RIMS2: variants seen among roughly 807,000 people sequenced by gnomAD.
The protein encoded by RIMS2 is regulating synaptic membrane exocytosis 2.
In RIMS2, 59 loss-of-function variants were observed where a neutral mutation model predicts 174.4. That is an observed-to-expected ratio of 0.34 (90% CI 0.27 to 0.42). The LOEUF is 0.42. Among genes scored for constraint, RIMS2 ranks in the 10% least tolerant of loss-of-function variants. The pLI is 1.00. For synonymous variants in RIMS2, 606 were observed against 572.5 expected (o/e 1.06, Z -0.84); for missense variants, 1,620 against 1,666.3 (o/e 0.97, Z 0.48).
chr8:104,119,997 G>GT (rs2098346209), intron 19 of RIMS2, among the ~76,000 whole-genome samples: 1 of 152,162 alleles, frequency 6.6e-6, no homozygotes, highest in South Asian at 2.1e-4. Context: ...TGTCCAATAA[G>GT]TTTTTTAGCA....
chr8:103,916,604 A>G (rs934114795), intron 8 of RIMS2, 67 bp downstream of exon 11: 63 of 1,232,786 alleles, frequency 5.1e-5, no homozygotes, highest in Non-Finnish European at 6.8e-5. Flanking sequence ...GTAATGTGCC[A>G]TTTAATAATT....
intron 1 of RIMS2, among the ~76,000 whole-genome samples, chr8:103,658,705 TAGCATGACTTACCACACTCTTTTCATGA>T (rs371391746): frequency 3.3e-4 from 51 of 152,304 alleles, no homozygotes; most frequent in African/African-American, 1.2e-3. Flanking sequence ...TGCTAATTAT[TAGCATGACTTACCACACTCTTTTCATGA>T]AGTGTCCAGG....
intron 1 of RIMS2, among the ~76,000 whole-genome samples, chr8:103,566,124 T>C (rs1041668729): frequency 6.6e-6 from 1 of 152,202 alleles, no homozygotes; most frequent in African/African-American, 2.4e-5. Flanking sequence ...ATAATGAGTT[T>C]ATAATTGAAC....
intron 1 of RIMS2, among the ~76,000 whole-genome samples, chr8:103,556,238 A>G (rs1320614047): frequency 6.6e-6 from 1 of 152,208 alleles, no homozygotes; most frequent in Non-Finnish European, 1.5e-5. Context: ...CATTTGTTTT[A>G]TATATTGATT....
At chr8:104,194,844 G>T (rs1482739596) in intron 19 of RIMS2, among the ~76,000 whole-genome samples, 2 of 152,184 alleles carry the variant, frequency 1.3e-5, no homozygotes, top group African/African-American at 4.8e-5. Context: ...GAGAAAAGGA[G>T]CAAAGAGGAC....
intron 1 of RIMS2, among the ~76,000 whole-genome samples, chr8:103,594,264 A>G (rs1340301136): frequency 6.6e-6 from 1 of 151,350 alleles, no homozygotes; most frequent in Non-Finnish European, 1.5e-5. Context: ...TTTCATTTTT[A>G]TGCTCTTTGT....
chr8:103,831,490 T>G (rs1431840691), intron 3 of RIMS2, among the ~76,000 whole-genome samples: 1 of 152,184 alleles, frequency 6.6e-6, no homozygotes, highest in African/African-American at 2.4e-5. Flanking sequence ...GACGCTAGGC[T>G]TCACTGAGCA....
intron 2 of RIMS2, among the ~76,000 whole-genome samples, chr8:103,705,683 G>A (rs1403364864): frequency 2.0e-5 from 3 of 151,846 alleles, no homozygotes; most frequent in Non-Finnish European, 2.9e-5. Context: ...ATTGACCCCT[G>A]TATCATTAAA....
intron 1 of RIMS2, among the ~76,000 whole-genome samples, chr8:103,565,192 G>T (rs2092186975): frequency 6.6e-6 from 1 of 152,192 alleles, no homozygotes; most frequent in African/African-American, 2.4e-5. Context: ...TAGTCTAGGT[G>T]CAGTTTATAA....
chr8:103,755,016 C>T (rs1442692860), intron 2 of RIMS2, among the ~76,000 whole-genome samples: 2 of 152,152 alleles, frequency 1.3e-5, no homozygotes, highest in African/African-American at 4.8e-5. Flanking sequence ...GCAGTTCCTT[C>T]ATAGTGTCCA....
rs139298650 is a variant in RIMS2 at position 104,236,831 on chromosome 8, A to C, written c.3335-8085A>C. Among the ~76,000 whole-genome samples, 1,507 of 152,250 alleles carry C rather than the reference A, an allele frequency of 9.9e-3. 21 individuals are homozygous for C. The highest frequency in any genetic ancestry group is 0.033 in the African/African-American group (1,359 of 41,572). On this transcript the variant is annotated intron_variant, in intron 19 of 23. Coordinates refer to ENST00000504942, the Ensembl canonical transcript of RIMS2. ...GTAATGTGGTATCCTGGATCAGAAAAAGCACTTCAGGTAAAAACTAAGGAC... is the reference window on the plus strand; with the variant it reads ...GTAATGTGGTATCCTGGATCAGAAACAGCACTTCAGGTAAAAACTAAGGAC...
intron 17 of RIMS2, among the ~76,000 whole-genome samples, chr8:103,998,773 T>G (rs929139931): frequency 2.6e-5 from 4 of 151,748 alleles, no homozygotes; most frequent in African/African-American, 9.7e-5. Flanking sequence ...CAGAGAATAC[T>G]GAGTCTGTGA....
At chr8:103,963,227 T>C (rs1037583592) in intron 15 of RIMS2, among the ~76,000 whole-genome samples, 24 of 152,118 alleles carry the variant, frequency 1.6e-4, no homozygotes, top group African/African-American at 5.6e-4. Context: ...GCAACTCAGA[T>C]GTGAAATGCA....
At chr8:103,635,224 G>T (rs1451523255) in intron 1 of RIMS2, among the ~76,000 whole-genome samples, 1 of 152,206 alleles carries the variant, frequency 6.6e-6, no homozygotes, top group African/African-American at 2.4e-5. Flanking sequence ...TTCTATATTA[G>T]TGCTTCTTTC....
At chr8:104,156,270 A>G (rs1206594538) in intron 19 of RIMS2, among the ~76,000 whole-genome samples, 1 of 151,886 alleles carries the variant, frequency 6.6e-6, no homozygotes, top group East Asian at 1.9e-4. Context: ...AGAAGGCCTT[A>G]GAGCCCTCTC....
At chr8:103,643,955 T>C (rs2096277462) in intron 1 of RIMS2, among the ~76,000 whole-genome samples, 2 of 152,204 alleles carry the variant, frequency 1.3e-5, no homozygotes, top group South Asian at 2.1e-4. Context: ...ACCATCTTTA[T>C]AAAATAGTTT....
intron 1 of RIMS2, among the ~76,000 whole-genome samples, chr8:103,615,356 G>A (rs1257191891): frequency 1.3e-5 from 2 of 152,114 alleles, no homozygotes. Context: ...ACTTACCAGA[G>A]TCTCTGAGAC....
Position 103,786,736 on chromosome 8 carries a change from A to C in RIMS2, c.698+20199A>C, listed in dbSNP as rs1480962816. On this transcript the variant is annotated intron_variant, in intron 3 of 23. Coordinates refer to ENST00000504942, the Ensembl canonical transcript of RIMS2. ...TAGCTGTGGTGTGGTTCTGAAAAAA[A>C]TGTATATTCTGTTGATTTGGGGTGG... Among the ~76,000 whole-genome samples the C allele has an allele frequency of 2.0e-5, 3 of 152,186 alleles. No homozygotes were observed. The South Asian group carries it at 6.2e-4, about 32-fold the overall frequency.
chr8:104,236,066 A>AT (rs10699488), intron 19 of RIMS2, among the ~76,000 whole-genome samples: 3,078 of 146,464 alleles, frequency 0.021, 80 homozygotes, highest in African/African-American at 0.064. Flanking sequence ...AACATTCTGG[A>AT]TTTTTTTTTT....
Sources: allele counts gnomAD v4.1 joint callset (sites outside exome capture counted in the v4.1 genomes callset), GRCh38; gene constraint gnomAD v4.1.1; transcripts MANE v1.5; gene names NCBI Gene and HGNC (gene_info 2026-07-23, HGNC 2026-07-21).